The following KCNC1 variants were observed in gnomAD, a reference collection of about 807,000 sequenced individuals.
KCNC1 encodes the protein voltage-gated potassium channel KCNC1.
A neutral mutation model predicts 43.4 loss-of-function variants in KCNC1; 8 were observed. The ratio of observed to expected loss-of-function variants is 0.18; its 90% CI spans 0.11 to 0.33. KCNC1 has a LOEUF of 0.33. KCNC1 is among the 10% of genes least tolerant of loss of function. The pLI is 1.00. For missense variants in KCNC1, 420 were observed against 836.0 expected (o/e 0.50, Z 6.14); for synonymous variants, 361 against 360.5 (o/e 1.00, Z -0.01).
chr11:17,767,063 C>T (rs960061423), intron 1 of KCNC1, among the ~76,000 whole-genome samples: 10 of 150,720 alleles, frequency 6.6e-5, no homozygotes, highest in Admixed American at 2.6e-4. Flanking sequence ...ACCCAGGAGG[C>T]GGAGGTTGCA....
At chr11:17,767,313 A>AAAGAAAAGAG (rs1849164881) in intron 1 of KCNC1, among the ~76,000 whole-genome samples, 2 of 151,756 alleles carry the variant, frequency 1.3e-5, no homozygotes, top group Non-Finnish European at 2.9e-5. Flanking sequence ...AAAGAAAAGA[A>AAAGAAAAGAG]AAGAAAAGAA....
At chr11:17,756,170 C>G (rs751956172) in intron 1 of KCNC1, among the ~76,000 whole-genome samples, 5 of 152,142 alleles carry the variant, frequency 3.3e-5, no homozygotes, top group African/African-American at 7.2e-5. Flanking sequence ...TGATTCTTAT[C>G]CATCCTTCCA....
rs1162960386 is a variant in KCNC1 at position 17,739,360 on chromosome 11, GGCGTGTGTGT to G, written c.570+2790_570+2799del. Among the ~76,000 whole-genome samples, 2 of 102,352 alleles carry G rather than the reference GGCGTGTGTGT, an allele frequency of 2.0e-5. No homozygotes were observed. Among genetic ancestry groups the G allele is most frequent in the Non-Finnish European group, 4.0e-5 (2 of 49,502 alleles). 67.1% of individuals were successfully genotyped at this position (102,352 alleles called of 152,430 possible). A position where few individuals can be genotyped will look rare whatever the true frequency, so the allele number is the denominator to read the frequency against. ...GTGTGAGAATAAATGTGAGACTCCAGGCGTGTGTGTGTGTGTGTGTGTGTGTGTGTGTGTG... is the reference window on the plus strand; with the variant it reads ...GTGTGAGAATAAATGTGAGACTCCAGGTGTGTGTGTGTGTGTGTGTGTGTG... On this transcript the variant is annotated intron_variant, in intron 1 of 3. Transcript: ENST00000265969. This position sits in a 1 kb window ranked among gnomAD's most constrained non-coding sequence, Gnocchi z 4.2.
intron 1 of KCNC1, among the ~76,000 whole-genome samples, chr11:17,758,976 ACTT>A (rs1210625298): frequency 1.3e-5 from 2 of 152,208 alleles, no homozygotes; most frequent in East Asian, 1.9e-4. Flanking sequence ...CCAGGCATTG[ACTT>A]CTTCTCTCTA....
Position 17,773,559 on chromosome 11 carries a change from C to CGGGAGGG in KCNC1, c.1504+972_1504+978dup. 1.8e-6 allele frequency: 1 copy of CGGGAGGG among 548,752 alleles called. No individual in the cohort carries two copies. The highest frequency in any genetic ancestry group is 2.1e-6 in the Non-Finnish European group (1 of 472,004). The allele number at this position is 548,752 out of a possible 1,614,324, so 34.0% of individuals were successfully genotyped here. A position where few individuals can be genotyped will look rare whatever the true frequency, so the allele number is the denominator to read the frequency against. On this transcript the variant is annotated intron_variant, in intron 2 of 3. Coordinates refer to ENST00000265969, the MANE Select transcript of KCNC1 (RefSeq NM_001112741.2). The surrounding 1 kb of genome is among the most constrained non-coding windows in gnomAD (Gnocchi z 4.1). ...ACTTTCCCGTGAATTCACTGGGGGC[C>CGGGAGGG]GGGAGGGGGGAGGGGGGCATGAAAC... is the stretch of plus-strand genomic sequence containing the variant.
In KCNC1 at chr11:17,779,747, C is replaced by A; in HGVS notation, c.1693+103C>A. On this transcript the variant is annotated intron_variant, in intron 3 of 3. Transcript: ENST00000265969. The surrounding 1 kb of genome is among the most constrained non-coding windows in gnomAD (Gnocchi z 7.2). The stretch of plus-strand genomic sequence containing the variant: ...GCAAGGGCGCTGAGGGGCAGGCAGG[C>A]ACACCGAGGGGGGCAAGGATGGAGG... 1.1e-6 allele frequency: 1 copy of A among 948,548 alleles called. No homozygotes were observed. The highest frequency in any genetic ancestry group is 3.1e-5 in the East Asian group (1 of 32,690). The allele number at this position is 948,548 out of a possible 1,614,324, so 58.8% of individuals were successfully genotyped here. A position where few individuals can be genotyped will look rare whatever the true frequency, so the allele number is the denominator to read the frequency against.
intron 2 of KCNC1, among the ~76,000 whole-genome samples, chr11:17,778,354 G>A (rs1030591348): frequency 6.6e-6 from 1 of 152,202 alleles, no homozygotes; most frequent in Non-Finnish European, 1.5e-5. Flanking sequence ...CTGCCACAGA[G>A]GCCAGAACTC....
rs1003601980 is a variant in KCNC1, at chr11:17,771,564, C to A, written c.571-101C>A. On this transcript the variant is annotated intron_variant, in intron 1 of 3. Transcript: ENST00000265969. The surrounding 1 kb of genome is among the most constrained non-coding windows in gnomAD (Gnocchi z 4.7). ...AGCACGTGCTGCAGGGGGCCTGGTG[C>A]TGGCATCTCCCCCCGCCTGGCCCTG... 2.0e-5 allele frequency: 20 copies of A among 1,002,022 alleles called. No individual in the cohort carries two copies. The highest frequency in any genetic ancestry group is 2.8e-5 in the Non-Finnish European group (19 of 671,280). The allele number at this position is 1,002,022 out of a possible 1,614,324, so 62.1% of individuals were successfully genotyped here.
In KCNC1 at chr11:17,773,085, G is replaced by A. The variant is rs1385972563; in HGVS notation, c.1504+487G>A. On this transcript the variant is annotated intron_variant, in intron 2 of 3. Transcript: ENST00000265969. The surrounding 1 kb of genome is among the most constrained non-coding windows in gnomAD (Gnocchi z 4.1). Reference sequence around the variant, plus strand: ...GAGATGGTGCATGGGATCTGGGCAGGAGGGTCCCTTGCAAAGGCAGGTGCA... The same window carrying A: ...GAGATGGTGCATGGGATCTGGGCAGAAGGGTCCCTTGCAAAGGCAGGTGCA... 2 of 996,652 alleles carry A rather than the reference G, an allele frequency of 2.0e-6. No homozygotes were observed. The highest frequency in any genetic ancestry group is 5.5e-5 in the Admixed American group (1 of 18,108). 61.7% of individuals were successfully genotyped at this position (996,652 alleles called of 1,614,324 possible).
At position 17,771,626 on chromosome 11, in the gene KCNC1, G is replaced by C; in HGVS notation, c.571-39G>C. 5 of 1,558,012 alleles carry C rather than the reference G, an allele frequency of 3.2e-6. No homozygotes were observed. Among genetic ancestry groups the C allele is most frequent in the South Asian group, 1.2e-5 (1 of 83,512 alleles). On this transcript the variant is annotated intron_variant, in intron 1 of 3. Coordinates refer to ENST00000265969, the MANE Select transcript of KCNC1 (RefSeq NM_001112741.2). The surrounding 1 kb of genome is among the most constrained non-coding windows in gnomAD (Gnocchi z 4.7). The stretch of plus-strand genomic sequence containing the variant: ...AGGCAACCCAGGCTTCTCCACTCTG[G>C]GTGGGCCTCCCTCTGACACTGTGTC...
rs1350729385 is a variant in KCNC1 at position 17,772,932 on chromosome 11, G to A, written c.1504+334G>A. 10 of 1,193,426 alleles carry A rather than the reference G, an allele frequency of 8.4e-6. No homozygotes were observed. In the South Asian group the frequency reaches 1.7e-4, roughly 20 times the overall value. 73.9% of individuals were successfully genotyped at this position (1,193,426 alleles called of 1,614,324 possible). On this transcript the variant is annotated intron_variant, in intron 2 of 3. Coordinates refer to ENST00000265969, the MANE Select transcript of KCNC1 (RefSeq NM_001112741.2). ...GCTCTGCTTGGTGGGGCAGGAGTCC[G>A]GTGTGAGTCTCTGACTCAGGCTACT... is the stretch of plus-strand genomic sequence containing the variant.
At chr11:17,768,726 C>G (rs1170065830) in intron 1 of KCNC1, among the ~76,000 whole-genome samples, 4 of 151,968 alleles carry the variant, frequency 2.6e-5, no homozygotes, top group African/African-American at 9.7e-5. Flanking sequence ...GGCCCTGCCT[C>G]TTGGCACCGT....
At position 17,776,633 on chromosome 11, in the gene KCNC1, G is replaced by A. The variant is rs1849290866; in HGVS notation, c.1505-2823G>A. 1.0e-6 allele frequency: 1 copy of A among 985,324 alleles called. No individual in the cohort carries two copies. Among genetic ancestry groups the A allele is most frequent in the Admixed American group, 6.1e-5 (1 of 16,266 alleles). The allele number at this position is 985,324 out of a possible 1,614,324, so 61.0% of individuals were successfully genotyped here. A position where few individuals can be genotyped will look rare whatever the true frequency, so the allele number is the denominator to read the frequency against. ...CCATTTCATCACTGCAGGCCTGTGG[G>A]TCTAGTGGGGGCCTGGGGGCCCTGG... On this transcript the variant is annotated intron_variant, in intron 2 of 3. Coordinates refer to ENST00000265969, the MANE Select transcript of KCNC1 (RefSeq NM_001112741.2). The surrounding 1 kb of genome is among the most constrained non-coding windows in gnomAD (Gnocchi z 4.4).
intron 1 of KCNC1, among the ~76,000 whole-genome samples, chr11:17,760,754 C>T (rs1286765079): frequency 3.9e-5 from 6 of 152,190 alleles, no homozygotes; most frequent in African/African-American, 4.8e-5. Flanking sequence ...CCGTTGTTCC[C>T]GAGGACAGTG....
intron 1 of KCNC1, among the ~76,000 whole-genome samples, chr11:17,746,708 A>C (rs1012938931): frequency 4.1e-4 from 63 of 152,192 alleles, no homozygotes; most frequent in African/African-American, 1.3e-3. Context: ...TAGAAAGTGT[A>C]TGGGCTTTGC....
At chr11:17,748,332 G>C (rs945091757) in intron 1 of KCNC1, among the ~76,000 whole-genome samples, 1 of 152,144 alleles carries the variant, frequency 6.6e-6, no homozygotes, top group Non-Finnish European at 1.5e-5. Context: ...AAGGCGCAGC[G>C]AGGAGGCATA....
chr11:17,743,466 G>A (rs1848864048), intron 1 of KCNC1, among the ~76,000 whole-genome samples: 1 of 152,240 alleles, frequency 6.6e-6, no homozygotes. Context: ...TGAGGGCCCT[G>A]CCTGGCCAGG....
Position 17,743,994 on chromosome 11 carries a change from C to T in KCNC1, c.570+7422C>T, listed in dbSNP as rs76099442. ...CTGGAGGCTGGGGGCTGGGGACAGG[C>T]GGGCCCTCAGGATTAGAGACCAGCC... On this transcript the variant is annotated intron_variant, in intron 1 of 3. Transcript: ENST00000265969. Among the ~76,000 whole-genome samples the T allele has an allele frequency of 8.7e-3, 1,317 of 152,122 alleles. 28 individuals carry two copies. The highest frequency in any genetic ancestry group is 0.029 in the African/African-American group (1,215 of 41,488).
At chr11:17,770,452 A>G (rs1849212062) in intron 1 of KCNC1, among the ~76,000 whole-genome samples, 1 of 152,218 alleles carries the variant, frequency 6.6e-6, no homozygotes, top group Admixed American at 6.5e-5. Flanking sequence ...GGCAGGGCCA[A>G]GGGAGGCCAC....
Sources: gnomAD v4.1 joint callset for allele counts (sites outside exome capture counted in the v4.1 genomes callset) on GRCh38, gnomAD v4.1.1 for gene constraint, Gnocchi (gnomAD v3.1) non-coding constraint, MANE v1.5 for transcripts, NCBI Gene and HGNC (gene_info 2026-07-23, HGNC 2026-07-21) for gene names.